Variants in RP1 observed in about 807,000 individuals in gnomAD.
RP1 encodes RP1 axonemal microtubule associated, also known as oxygen-regulated protein 1.
RP1 carries 16 observed loss-of-function variants against 14.8 expected under a neutral mutation model. The ratio of observed to expected loss-of-function variants is 1.08; its 90% CI spans 0.73 to 1.65. The LOEUF (loss-of-function observed/expected upper bound fraction) is 1.65. Among genes scored for constraint, RP1 ranks in the 40% most tolerant of loss-of-function variants. The pLI is 0.00. For synonymous variants in RP1, 876 were observed against 883.6 expected, an observed-to-expected ratio of 0.99 and a Z score of 0.15; for missense variants, 2,631 against 2,535.0, an observed-to-expected ratio of 1.04 and a Z score of -0.81.
chr8:54,645,241 T>C (rs1228435860), intron 3 of RP1, among the ~76,000 whole-genome samples: 3 of 152,196 alleles, frequency 2.0e-5, no homozygotes, highest in Non-Finnish European at 4.4e-5. Flanking sequence ...TTGGGTAGTT[T>C]ACTACAATGG....
At chr8:54,684,668 C>G (rs1415425542) in intron 12 of RP1, among the ~76,000 whole-genome samples, 10 of 152,090 alleles carry the variant, frequency 6.6e-5, no homozygotes, top group Admixed American at 6.6e-4. Context: ...TTTCCTTTAT[C>G]ATTTCTGATT....
intron 3 of RP1, among the ~76,000 whole-genome samples, chr8:54,640,809 A>G (rs963670848): frequency 4.6e-5 from 7 of 152,114 alleles, no homozygotes; most frequent in Non-Finnish European, 1.0e-4. Flanking sequence ...CTTAGAAGTT[A>G]CTTATTTTAT....
rs565642608 is a variant in RP1, at chr8:54,590,576, G to T, written c.-12-30379G>T. On this transcript the variant is annotated intron_variant, in intron 1 of 22. Coordinates refer to the RP1 transcript ENST00000636932. ...CACACATGATCAGTTTCTTTTGGAA[G>T]CTCTCCTCCTCTACAAGACCTTGCT... 1.5e-4 allele frequency among the ~76,000 whole-genome samples: 23 copies of T among 152,098 alleles called. 1 individual carries two copies. The highest frequency in any genetic ancestry group is 2.6e-4 in the Non-Finnish European group (18 of 68,006).
intron 16 of RP1, among the ~76,000 whole-genome samples, chr8:54,722,531 A>G (rs893058137): frequency 1.2e-4 from 18 of 152,110 alleles, no homozygotes; most frequent in Non-Finnish European, 1.6e-4. Context: ...CGGCCTCCCA[A>G]TAGAATATTT....
chr8:54,781,177 A>C, intron 23 of RP1: 1 of 316,706 alleles, frequency 3.2e-6, no homozygotes, highest in Non-Finnish European at 4.6e-6. Context: ...AAGAGAATGA[A>C]AGGGCACAGC....
intron 6 of RP1, among the ~76,000 whole-genome samples, chr8:54,656,809 T>C (rs115445717): frequency 0.028 from 3,370 of 119,978 alleles, 142 homozygotes; most frequent in African/African-American, 0.097. Context: ...GAGAACGGGA[T>C]AAGGGCATAC....
intron 24 of RP1, among the ~76,000 whole-genome samples, chr8:54,833,442 G>A (rs534253070): frequency 3.9e-5 from 6 of 151,982 alleles, no homozygotes; most frequent in African/African-American, 1.4e-4. Context: ...AGAGAGTTAG[G>A]TCAAAATAAG....
intron 22 of RP1, among the ~76,000 whole-genome samples, chr8:54,761,322 C>T (rs1175204032): frequency 1.4e-5 from 2 of 145,958 alleles, no homozygotes; most frequent in Non-Finnish European, 1.5e-5. Context: ...CTGCAACCTT[C>T]ACCTCCTGGG....
intron 1 of RP1, among the ~76,000 whole-genome samples, chr8:54,603,096 A>T (rs906219707): frequency 6.6e-6 from 1 of 152,082 alleles, no homozygotes; most frequent in Non-Finnish European, 1.5e-5. Flanking sequence ...GATGTTTTAG[A>T]CATGAAGTGC....
intron 27 of RP1, among the ~76,000 whole-genome samples, chr8:54,859,406 G>A (rs1012507832): frequency 1.3e-5 from 2 of 151,136 alleles, no homozygotes. Flanking sequence ...ACTGTAGGTG[G>A]TGTCAGTGCA....
intron 3 of RP1, among the ~76,000 whole-genome samples, chr8:54,624,229 CAGG>C (rs1805959997): frequency 1.3e-5 from 2 of 151,854 alleles, no homozygotes; most frequent in Non-Finnish European, 1.5e-5. Context: ...ATCATGAGGT[CAGG>C]AGATCGACGA....
chr8:54,603,891 A>G (rs1805357775), intron 1 of RP1, among the ~76,000 whole-genome samples: 1 of 152,158 alleles, frequency 6.6e-6, no homozygotes, highest in Admixed American at 6.5e-5. Context: ...CTGATTTTGT[A>G]TCCTGAGACT....
At chr8:54,783,686 C>A (rs1296136681) in exon 24 of RP1, 1 of 1,231,244 alleles carries the variant, frequency 8.1e-7, no homozygotes, top group East Asian at 3.2e-5. Context: ...AGCTGTTTAA[C>A]CCTAACACTG....
chr8:54,819,057 A>ATCTC lies in RP1; in HGVS notation c.3616-18379_3616-18376dup, dbSNP rs370666343. On this transcript the variant is annotated intron_variant, in intron 24 of 28. Transcript: ENST00000637698. ...TTCATTATAAACTTTCTACCCACATATCTCTCTCTCTCTCTCTTCCTCCTT... is the reference window on the plus strand; with the variant it reads ...TTCATTATAAACTTTCTACCCACATATCTCTCTCTCTCTCTCTCTCTTCCTCCTT... Among the ~76,000 whole-genome samples the ATCTC allele has an allele frequency of 8.7e-5, 13 of 150,062 alleles. 1 individual carries two copies. The South Asian group carries it at 2.5e-3, about 29-fold the overall frequency.
intron 24 of RP1, among the ~76,000 whole-genome samples, chr8:54,803,531 C>A (rs537763749): frequency 2.6e-5 from 4 of 152,206 alleles, no homozygotes; most frequent in African/African-American, 9.6e-5. Flanking sequence ...CACTATCATC[C>A]TCCAGATGCT....
intron 27 of RP1, among the ~76,000 whole-genome samples, chr8:54,858,198 G>A (rs1161201553): frequency 6.6e-6 from 1 of 152,108 alleles, no homozygotes; most frequent in African/African-American, 2.4e-5. Flanking sequence ...GAAACCAAAT[G>A]GAGCAGAAGC....
intron 25 of RP1, chr8:54,837,806 C>A: frequency 2.3e-6 from 1 of 435,534 alleles, no homozygotes; most frequent in Non-Finnish European, 3.8e-6. Context: ...AAAGTCTCTG[C>A]CAAAACTGCT....
At chr8:54,661,260 GATAT>G (rs1474043649) in intron 6 of RP1, among the ~76,000 whole-genome samples, 1 of 65,096 alleles carries the variant, frequency 1.5e-5, no homozygotes, top group East Asian at 3.8e-4. Context: ...ATATATAAAT[GATAT>G]ATATAAATGA....
intron 12 of RP1, among the ~76,000 whole-genome samples, chr8:54,685,242 T>A (rs1404003086): frequency 6.6e-6 from 1 of 152,162 alleles, no homozygotes; most frequent in African/African-American, 2.4e-5. Flanking sequence ...TTCCTTTAGT[T>A]GTGATGTTAG....
Sources: gnomAD v4.1 joint callset for allele counts (sites outside exome capture counted in the v4.1 genomes callset) on GRCh38, gnomAD v4.1.1 for gene constraint, MANE v1.5 for transcripts, NCBI Gene and HGNC (gene_info 2026-07-23, HGNC 2026-07-21) for gene names.